Variants in SCN3B observed in about 807,000 individuals in gnomAD.
The protein encoded by SCN3B is sodium voltage-gated channel beta subunit 3, also known as sodium channel regulatory subunit beta-3.
A neutral mutation model predicts 25.4 loss-of-function variants in SCN3B; 11 were observed. The observed-to-expected ratio is 0.43, with a 90% CI of 0.27 to 0.72. The LOEUF (loss-of-function observed/expected upper bound fraction) is 0.72. Ranked by LOEUF, SCN3B falls within the 30% of genes least tolerant of loss-of-function variation. SCN3B has a pLI of 0.18. For missense variants in SCN3B, 218 were observed against 278.3 expected, an observed-to-expected ratio of 0.78 and a Z score of 1.54; for synonymous variants, 109 against 110.7, an observed-to-expected ratio of 0.99 and a Z score of 0.09.
chr11:123,635,858 AG>A, intron 5 of SCN3B, among the ~76,000 whole-genome samples: 1 of 152,202 alleles, frequency 6.6e-6, no homozygotes, highest in African/African-American at 2.4e-5. Context: ...AATACATGAC[AG>A]GGACCTATGG....
intron 2 of SCN3B, among the ~76,000 whole-genome samples, chr11:123,648,708 C>T (rs1240629440): frequency 1.3e-5 from 2 of 152,180 alleles, no homozygotes; most frequent in Admixed American, 1.3e-4. Context: ...AAGCTATACA[C>T]ATATCTGTGT....
chr11:123,642,625 T>C lies in SCN3B; in HGVS notation c.266A>G (p.Gln89Arg). 1.9e-6 allele frequency: 3 copies of C among 1,612,446 alleles called. No individual in the cohort carries two copies. The highest frequency in any genetic ancestry group is 1.7e-6 in the Non-Finnish European group (2 of 1,179,140). ...GCTGCCATTCCACTGCAGGCGCCCCTGAAAGGGGCTCTCCACCTCCTGGTG... is the reference window on the plus strand; with the variant it reads ...GCTGCCATTCCACTGCAGGCGCCCCCGAAAGGGGCTCTCCACCTCCTGGTG... ...NGHQEVESPF[Q>R]GRLQWNGSKD... Residue 89 changes from glutamine (Q) to arginine (R), a missense_variant, in exon 4 of 7, where the codon CAG becomes CGG. Gln to Arg is a conservative substitution (Grantham distance 43, BLOSUM62 1). Coordinates refer to ENST00000299333, the MANE Select transcript of SCN3B (RefSeq NM_001040151.2). The surrounding 1 kb of genome is among the most constrained non-coding windows in gnomAD (Gnocchi z 4.3).
At position 123,652,120 on chromosome 11, in the gene SCN3B, GA is replaced by G. The variant is rs112955857; in HGVS notation, c.55+1626del. Reference sequence around the variant, plus strand: ...AAAATCTTAGATTAGAGTTCAGGAAGAAAGTCTCTGCAGAGTCTCACTCCAA... The same window carrying G: ...AAAATCTTAGATTAGAGTTCAGGAAGAAGTCTCTGCAGAGTCTCACTCCAA... On this transcript the variant is annotated intron_variant, in intron 2 of 6. Coordinates refer to ENST00000299333, the MANE Select transcript of SCN3B (RefSeq NM_001040151.2). Among the ~76,000 whole-genome samples, 349 of 152,270 alleles carry G rather than the reference GA, an allele frequency of 2.3e-3. 4 individuals are homozygous for G. The highest frequency in any genetic ancestry group is 0.016 in the South Asian group (78 of 4,822).
At chr11:123,643,026 A>G (rs1214512569) in intron 3 of SCN3B, among the ~76,000 whole-genome samples, 1 of 152,198 alleles carries the variant, frequency 6.6e-6, no homozygotes, top group East Asian at 1.9e-4. Context: ...CAGGAGACGG[A>G]CATTGAGAGA....
At chr11:123,651,791 G>T (rs918651798) in intron 2 of SCN3B, among the ~76,000 whole-genome samples, 1 of 152,302 alleles carries the variant, frequency 6.6e-6, no homozygotes, top group African/African-American at 2.4e-5. Flanking sequence ...GCAAAGATGG[G>T]CATACTGTGT....
intron 4 of SCN3B, among the ~76,000 whole-genome samples, chr11:123,641,275 G>A (rs752233015): frequency 6.6e-6 from 1 of 152,204 alleles, no homozygotes; most frequent in Non-Finnish European, 1.5e-5. Context: ...TCCGAGCAGG[G>A]AAGTGACTCA....
chr11:123,645,537 G>A, intron 3 of SCN3B, 50 bp downstream of exon 3: 1 of 1,600,620 alleles, frequency 6.2e-7, no homozygotes, highest in Non-Finnish European at 8.6e-7. Context: ...GCCAGGCTGG[G>A]AACAGCAGAG....
At chr11:123,636,400 A>C (rs2137233552) in intron 5 of SCN3B, among the ~76,000 whole-genome samples, 1 of 152,156 alleles carries the variant, frequency 6.6e-6, no homozygotes, top group East Asian at 1.9e-4. Context: ...TCTTCCTTGT[A>C]TTTACTTGGT....
intron 2 of SCN3B, among the ~76,000 whole-genome samples, chr11:123,650,495 G>A (rs1442469000): frequency 1.3e-5 from 2 of 152,160 alleles, no homozygotes; most frequent in Admixed American, 1.3e-4. Context: ...GCCTTGAATA[G>A]GATGCACGAA....
rs565350413 is a variant in SCN3B, at chr11:123,653,671, A to G, written c.55+76T>C. 32 of 1,539,970 alleles carry G rather than the reference A, an allele frequency of 2.1e-5. No homozygotes were observed. In the African/African-American group the frequency reaches 3.8e-4, roughly 18 times the overall value. Reference sequence around the variant, plus strand: ...CCAGCCAGAGCTCTTTTCTGTCACCAACGACATCAATGTGTTATTATTGTT... The same window carrying G: ...CCAGCCAGAGCTCTTTTCTGTCACCGACGACATCAATGTGTTATTATTGTT... On this transcript the variant is annotated intron_variant, in intron 2 of 6. Transcript: ENST00000299333.
chr11:123,638,820 G>A (rs1021023534), intron 4 of SCN3B: 9 of 205,388 alleles, frequency 4.4e-5, no homozygotes, highest in Admixed American at 2.1e-4. Flanking sequence ...GGTGGTGGAG[G>A]GTGGTATTCC....
At chr11:123,645,865 G>T in intron 2 of SCN3B, 115 bp from the exon 3 acceptor site, 2 of 1,270,058 alleles carry the variant, frequency 1.6e-6, no homozygotes, top group South Asian at 1.3e-5. Context: ...GAAGAGTCAT[G>T]AGGCCAACCT....
chr11:123,648,462 C>T (rs537802753), intron 2 of SCN3B, among the ~76,000 whole-genome samples: 19 of 152,304 alleles, frequency 1.2e-4, no homozygotes, highest in African/African-American at 4.6e-4. Flanking sequence ...TGAGTGCCTT[C>T]TGGGTGCCAG....
At chr11:123,647,928 G>C (rs1955872486) in intron 2 of SCN3B, among the ~76,000 whole-genome samples, 1 of 152,228 alleles carries the variant, frequency 6.6e-6, no homozygotes, top group Non-Finnish European at 1.5e-5. Context: ...TATTGCTTCT[G>C]CAGATGGTGA....
chr11:123,646,717 C>A (rs1316875699), intron 2 of SCN3B, among the ~76,000 whole-genome samples: 1 of 152,170 alleles, frequency 6.6e-6, no homozygotes, highest in Non-Finnish European at 1.5e-5. Flanking sequence ...CTTGATAATT[C>A]AGAATAACTT....
intron 4 of SCN3B, among the ~76,000 whole-genome samples, chr11:123,641,686 G>A (rs756749218): frequency 2.0e-5 from 3 of 152,238 alleles, no homozygotes; most frequent in African/African-American, 2.4e-5. Context: ...TCACGAACAC[G>A]GAACTAGCTG....
At position 123,633,008 on chromosome 11, in the gene SCN3B, C is replaced by T. The variant is rs1955689362; in HGVS notation, c.*791G>A. The T allele has an allele frequency of 6.6e-6, 1 of 152,168 alleles. No individual in the cohort carries two copies. The highest frequency in any genetic ancestry group is 2.4e-5 in the African/African-American group (1 of 41,444). The allele number at this position is 152,168 out of a possible 1,614,324, so 9.4% of individuals were successfully genotyped here. A position where few individuals can be genotyped will look rare whatever the true frequency, so the allele number is the denominator to read the frequency against. ...AACTCAGGAATTTCAGTCCTAATGC[C>T]CAGGTGGTGTGCCCACAGGGAGGGC... On this transcript the variant is annotated 3_prime_UTR_variant, in exon 7 of 7. Coordinates refer to ENST00000299333, the MANE Select transcript of SCN3B (RefSeq NM_001040151.2).
chr11:123,641,383 C>T (rs747957762), intron 4 of SCN3B, among the ~76,000 whole-genome samples: 1 of 152,222 alleles, frequency 6.6e-6, no homozygotes, highest in Non-Finnish European at 1.5e-5. Flanking sequence ...ATGTCTCTTT[C>T]TCCTTTGTTC....
chr11:123,640,943 T>TATAAACTTGC (rs1955782847), intron 4 of SCN3B: 1 of 152,080 alleles, frequency 6.6e-6, no homozygotes, highest in Non-Finnish European at 1.5e-5. Context: ...AATAAACTTG[T>TATAAACTTGC]TTTTCCTTCT....
Sources: gnomAD v4.1 joint callset for allele counts (sites outside exome capture counted in the v4.1 genomes callset) on GRCh38, gnomAD v4.1.1 for gene constraint, Gnocchi (gnomAD v3.1) non-coding constraint, MANE v1.5 for transcripts, NCBI Gene and HGNC (gene_info 2026-07-23, HGNC 2026-07-21) for gene names.